INTS12: variants seen among roughly 807,000 people sequenced by gnomAD.
INTS12 encodes the protein PHD finger protein 22.
INTS12 carries 13 observed loss-of-function variants against 41.6 expected under a neutral mutation model. The observed-to-expected ratio is 0.31, with a 90% CI of 0.20 to 0.50. The LOEUF (loss-of-function observed/expected upper bound fraction) is 0.50, where lower values mean the gene tolerates loss of function less well. Among genes scored for constraint, INTS12 ranks in the 20% least tolerant of loss-of-function variants. INTS12 has a pLI of 0.98. For synonymous variants in INTS12, 199 were observed against 191.4 expected, an observed-to-expected ratio of 1.04 and a Z score of -0.33; for missense variants, 432 against 541.6, an observed-to-expected ratio of 0.80 and a Z score of 2.01.
intron 1 of INTS12, among the ~76,000 whole-genome samples, chr4:105,704,515 A>G (rs149225450): frequency 6.6e-6 from 1 of 152,354 alleles, no homozygotes; most frequent in Non-Finnish European, 1.5e-5. Context: ...AGGCAATTCT[A>G]TCTACTCTAA....
Position 105,693,294 on chromosome 4 carries a change from C to T in INTS12, c.497+5G>A, listed in dbSNP as rs376474601. 3 of 1,578,850 alleles carry T rather than the reference C, an allele frequency of 1.9e-6. No homozygotes were observed. The highest frequency in any genetic ancestry group is 2.6e-6 in the Non-Finnish European group (3 of 1,155,124). ...CAAAAGAATCTGTGGCAAGGTACAA[C>T]TTACCTACAAACAACGCAGGCCAAT... On this transcript the variant is annotated splice_donor_5th_base_variant and intron_variant, in intron 5 of 7. Coordinates refer to ENST00000340139, the MANE Select transcript of INTS12 (RefSeq NM_020395.4).
intron 2 of INTS12, among the ~76,000 whole-genome samples, chr4:105,701,126 A>C (rs942318524): frequency 7.9e-5 from 12 of 152,004 alleles, no homozygotes; most frequent in Non-Finnish European, 1.0e-4. Context: ...GTTGAATCCT[A>C]GCATATGAAA....
intron 1 of INTS12, among the ~76,000 whole-genome samples, chr4:105,704,994 C>A (rs1732215517): frequency 1.3e-5 from 2 of 152,218 alleles, no homozygotes; most frequent in Non-Finnish European, 2.9e-5. Context: ...ATATCACTCA[C>A]TTGCTTAAAA....
chr4:105,704,399 A>G (rs571079275), intron 1 of INTS12, among the ~76,000 whole-genome samples: 14 of 152,366 alleles, frequency 9.2e-5, no homozygotes, highest in African/African-American at 3.4e-4. Context: ...TCAGCAGCAT[A>G]GGTATCACGT....
intron 7 of INTS12, among the ~76,000 whole-genome samples, chr4:105,685,995 C>T (rs1370756694): frequency 6.6e-6 from 1 of 152,170 alleles, no homozygotes; most frequent in Non-Finnish European, 1.5e-5. Flanking sequence ...CAAGGCCAAT[C>T]TGCTCAAGTA....
intron 3 of INTS12, among the ~76,000 whole-genome samples, chr4:105,699,264 G>C (rs1403639341): frequency 6.6e-6 from 1 of 152,174 alleles, no homozygotes; most frequent in Non-Finnish European, 1.5e-5. Flanking sequence ...GGGACATCAA[G>C]ATACGTTGTC....
At chr4:105,691,752 A>C (rs1209774586) in intron 6 of INTS12, among the ~76,000 whole-genome samples, 1 of 152,218 alleles carries the variant, frequency 6.6e-6, no homozygotes, top group Non-Finnish European at 1.5e-5. Context: ...TGTTTTATCT[A>C]TATTAGAATT....
intron 5 of INTS12, among the ~76,000 whole-genome samples, 197 bp downstream of exon 5, chr4:105,693,102 A>G (rs1446546087): frequency 6.6e-6 from 1 of 152,262 alleles, no homozygotes; most frequent in Non-Finnish European, 1.5e-5. Context: ...TAGTTGGGAA[A>G]GACAAAATAG....
Position 105,682,989 on chromosome 4 carries a change from C to G in INTS12, c.1133G>C (p.Ser378Thr). 6.2e-7 allele frequency: 1 copy of G among 1,614,116 alleles called. No homozygotes were observed. Among genetic ancestry groups the G allele is most frequent in the East Asian group, 2.2e-5 (1 of 44,884 alleles). ...ACCTACTTTGCTGACATTGTCACAACTAACTGAGCGACTAAGGCCAGTTTT... is the reference window on the plus strand; with the variant it reads ...ACCTACTTTGCTGACATTGTCACAAGTAACTGAGCGACTAAGGCCAGTTTT... ...LGKTGLSRSV[S>T]CDNVSKVGLP... Residue 378 changes from serine to threonine, a missense_variant, in exon 8 of 8, where the codon AGT (serine) becomes ACT (threonine). By Grantham distance (58) the Ser-to-Thr change is moderately conservative. This residue lies in a region of INTS12 where 258 missense variants were observed against 309.9 expected (regional missense o/e 0.83). Transcript: ENST00000340139.
At chr4:105,689,081 T>C (rs1462045078) in intron 6 of INTS12, among the ~76,000 whole-genome samples, 1 of 152,228 alleles carries the variant, frequency 6.6e-6, no homozygotes, top group Non-Finnish European at 1.5e-5. Context: ...TAGGAGTGTG[T>C]TACTACCTTA....
chr4:105,700,104 A>G (rs1732010238), intron 2 of INTS12, 90 bp from the exon 3 acceptor site: 1 of 812,560 alleles, frequency 1.2e-6, no homozygotes, highest in Non-Finnish European at 1.8e-6. Context: ...TTTGTAATAG[A>G]TAATACTGTA....
chr4:105,684,227 A>G (rs944528214), intron 7 of INTS12, among the ~76,000 whole-genome samples: 1 of 152,148 alleles, frequency 6.6e-6, no homozygotes, highest in African/African-American at 2.4e-5. Context: ...ACACAAGAAT[A>G]TATTTTTTCA....
chr4:105,695,981 G>C (rs1468097234), intron 3 of INTS12, among the ~76,000 whole-genome samples: 1 of 152,108 alleles, frequency 6.6e-6, no homozygotes, highest in Admixed American at 6.5e-5. Context: ...AGCCTCCCGT[G>C]TATCTGGGAC....
intron 7 of INTS12, among the ~76,000 whole-genome samples, chr4:105,683,858 T>TA (rs202144950): frequency 3.9e-4 from 59 of 150,428 alleles, no homozygotes; most frequent in Non-Finnish European, 5.9e-5. Context: ...CTAAACCCAT[T>TA]AAAAAAAAAT....
chr4:105,689,668 C>T (rs945329754), intron 6 of INTS12, among the ~76,000 whole-genome samples: 5 of 151,938 alleles, frequency 3.3e-5, no homozygotes, highest in African/African-American at 4.8e-5. Context: ...TTTGGGAGGC[C>T]GAGGCAGGAG....
chr4:105,683,389 G>T, intron 7 of INTS12, 72 bp from the exon 8 acceptor site: 1 of 1,126,116 alleles, frequency 8.9e-7, no homozygotes, highest in Non-Finnish European at 1.2e-6. Context: ...CCCAAGTTAT[G>T]AATTGGGAAA....
chr4:105,688,418 G>T (rs1273857811), intron 6 of INTS12, among the ~76,000 whole-genome samples: 1 of 152,124 alleles, frequency 6.6e-6, no homozygotes, highest in African/African-American at 2.4e-5. Context: ...TATAGTTTGG[G>T]TCCTTAAATC....
intron 2 of INTS12, chr4:105,703,153 T>C (rs945714791): frequency 1.5e-5 from 4 of 274,326 alleles, no homozygotes; most frequent in Non-Finnish European, 2.2e-5. Flanking sequence ...ATTCTTACTA[T>C]GGATTAGAGT....
chr4:105,700,706 A>AAC (rs767514862), intron 2 of INTS12, among the ~76,000 whole-genome samples: 7,905 of 134,748 alleles, frequency 0.059, 240 homozygotes, highest in East Asian at 0.12. Flanking sequence ...ATCTACTTAA[A>AAC]ACACACACAC....
Sources: gnomAD v4.1 joint callset for allele counts (sites outside exome capture counted in the v4.1 genomes callset) on GRCh38, gnomAD v4.1.1 for gene constraint, gnomAD v4.1.1 regional missense constraint, MANE v1.5 for transcripts, NCBI Gene and HGNC (gene_info 2026-07-23, HGNC 2026-07-21) for gene names.